Variants in NELL2 observed in about 807,000 individuals in gnomAD.
NELL2 encodes the protein protein kinase C-binding protein NELL2.
In NELL2, 41 loss-of-function variants were observed where a neutral mutation model predicts 109.6. That is an observed-to-expected ratio of 0.37 (90% confidence interval 0.29 to 0.49). The LOEUF is 0.49. NELL2 is among the 20% of genes least tolerant of loss of function. NELL2 has a pLI of 0.98. For synonymous variants in NELL2, 355 were observed against 344.7 expected (o/e 1.03, Z -0.33); for missense variants, 900 against 1,008.3 (o/e 0.89, Z 1.45).
At position 44,523,315 on chromosome 12, in the gene NELL2, G is replaced by C; in HGVS notation, c.1974C>G (p.Asp658Glu). The change falls in exon 17 of 20, where the codon GAC becomes GAG. Residue 658 changes from aspartate to glutamate, a missense_variant. Physicochemically the swap from Asp to Glu is conservative, Grantham distance 45. Coordinates refer to ENST00000429094, the MANE Select transcript of NELL2 (RefSeq NM_001145108.2). ...HNGQIWVLEN[D>E]RCSVCSCQNG... ...CCTGACATGAGCACACAGAGCACCTGTCATTTTCCAACACCCAAATCTGAC... is the reference window on the plus strand; with the variant it reads ...CCTGACATGAGCACACAGAGCACCTCTCATTTTCCAACACCCAAATCTGAC... The C allele has an allele frequency of 6.2e-7, 1 of 1,614,144 alleles. No individual in the cohort carries two copies. Among genetic ancestry groups the C allele is most frequent in the Non-Finnish European group, 8.5e-7 (1 of 1,179,994 alleles).
chr12:44,776,898 C>A, intron 7 of NELL2, 144 bp downstream of exon 7: 1 of 678,366 alleles, frequency 1.5e-6, no homozygotes, highest in Non-Finnish European at 2.5e-6. Flanking sequence ...TAAGCCTTTC[C>A]TTAAGCAGAG....
chr12:44,632,059 T>A (rs1423873227), intron 13 of NELL2, among the ~76,000 whole-genome samples: 2 of 152,074 alleles, frequency 1.3e-5, no homozygotes, highest in Admixed American at 1.3e-4. Context: ...ATTAATAATC[T>A]GAAATAGAAA....
At chr12:44,545,292 A>T (rs1942746358) in intron 15 of NELL2, among the ~76,000 whole-genome samples, 1 of 152,192 alleles carries the variant, frequency 6.6e-6, no homozygotes, top group East Asian at 1.9e-4. Flanking sequence ...AGTTTTATTC[A>T]TGTTAAGTAT....
intron 12 of NELL2, among the ~76,000 whole-genome samples, chr12:44,691,852 GC>G (rs1333371557): frequency 6.6e-5 from 10 of 152,264 alleles, no homozygotes; most frequent in African/African-American, 2.4e-4. Context: ...AGGTGATGAA[GC>G]TGCAGAAGAA....
At chr12:44,569,642 C>A (rs1365558603) in intron 15 of NELL2, among the ~76,000 whole-genome samples, 1 of 152,128 alleles carries the variant, frequency 6.6e-6, no homozygotes, top group Non-Finnish European at 1.5e-5. Flanking sequence ...TTTTATAAAG[C>A]ATGAACACTA....
chr12:44,649,722 G>A (rs142068095), intron 13 of NELL2, among the ~76,000 whole-genome samples: 8 of 152,238 alleles, frequency 5.3e-5, no homozygotes, highest in Middle Eastern at 3.4e-3. Flanking sequence ...AAGACAGCCC[G>A]TTTTTCTTAT....
intron 1 of NELL2, among the ~76,000 whole-genome samples, chr12:44,896,075 G>A (rs879821566): frequency 4.6e-5 from 7 of 152,136 alleles, no homozygotes; most frequent in African/African-American, 1.7e-4. Context: ...GTAGGTCAAA[G>A]TAATTAAAAT....
upstream of NELL2, chr12:44,876,349 C>T (rs1000575173): frequency 1.3e-5 from 16 of 1,203,658 alleles, no homozygotes; most frequent in Non-Finnish European, 1.7e-5. Flanking sequence ...GGAGAGACTG[C>T]TCCTCCGGGG....
At chr12:44,581,261 C>T (rs1944309478) in intron 15 of NELL2, among the ~76,000 whole-genome samples, 1 of 152,038 alleles carries the variant, frequency 6.6e-6, no homozygotes, top group South Asian at 2.1e-4. Context: ...GAAAAGTAGT[C>T]AGAGCTCTAC....
chr12:44,598,735 T>A (rs1319511204), intron 15 of NELL2, among the ~76,000 whole-genome samples: 1 of 152,052 alleles, frequency 6.6e-6, no homozygotes, highest in Non-Finnish European at 1.5e-5. Context: ...ACACCAGATA[T>A]GGATTTATGG....
intron 16 of NELL2, among the ~76,000 whole-genome samples, chr12:44,524,294 G>A (rs1350179172): frequency 6.6e-6 from 1 of 152,154 alleles, no homozygotes; most frequent in East Asian, 1.9e-4. Context: ...AGGTCCATAA[G>A]AGGAGATGGG....
chr12:44,647,715 G>C (rs888053430), intron 13 of NELL2, among the ~76,000 whole-genome samples: 25 of 150,746 alleles, frequency 1.7e-4, no homozygotes, highest in Admixed American at 1.5e-3. Flanking sequence ...TTAAGCAACA[G>C]AAGGTGAATA....
intron 13 of NELL2, among the ~76,000 whole-genome samples, chr12:44,631,222 G>C (rs1038724219): frequency 1.4e-5 from 2 of 147,452 alleles, no homozygotes; most frequent in South Asian, 4.2e-4. Flanking sequence ...ATAATGAAAT[G>C]TATATATATA....
In NELL2 at chr12:44,560,928, T is replaced by G. The variant is rs182729571; in HGVS notation, c.1664-28207A>C. ...CCAGTGAACCCGGATGCAAAAATCCTCAATAAAACACTGGCAAACCAAATC... is the reference window on the plus strand; with the variant it reads ...CCAGTGAACCCGGATGCAAAAATCCGCAATAAAACACTGGCAAACCAAATC... On this transcript the variant is annotated intron_variant, in intron 15 of 19. Coordinates refer to ENST00000429094, the MANE Select transcript of NELL2 (RefSeq NM_001145108.2). Among the ~76,000 whole-genome samples the G allele has an allele frequency of 7.2e-5, 11 of 152,270 alleles. No homozygotes were observed. In the East Asian group the frequency reaches 1.5e-3, roughly 21 times the overall value.
intron 12 of NELL2, among the ~76,000 whole-genome samples, chr12:44,681,845 C>G (rs1948520573): frequency 6.6e-6 from 1 of 151,706 alleles, no homozygotes; most frequent in African/African-American, 2.4e-5. Flanking sequence ...GGTTCCAAGT[C>G]TCTGCTATTG....
At chr12:44,751,644 TGTTTACTTTGGA>T (rs1403139364) in intron 9 of NELL2, among the ~76,000 whole-genome samples, 2 of 152,294 alleles carry the variant, frequency 1.3e-5, no homozygotes, top group East Asian at 3.9e-4. Flanking sequence ...CTCCCTCCTG[TGTTTACTTTGGA>T]GTCTATAATT....
chr12:44,694,520 A>AACACACACAC (rs60024794), intron 12 of NELL2, among the ~76,000 whole-genome samples: 4,079 of 144,328 alleles, frequency 0.028, 79 homozygotes, highest in South Asian at 0.039. Flanking sequence ...CACACATACA[A>AACACACACAC]ACACACACAC....
chr12:44,656,321 GT>G (rs1947499007), intron 13 of NELL2, among the ~76,000 whole-genome samples: 1 of 143,414 alleles, frequency 7.0e-6, no homozygotes, highest in Non-Finnish European at 1.5e-5. Flanking sequence ...GTACATCAAG[GT>G]TTTTAAGCCC....
At chr12:44,747,425 T>G (rs1479433723) in intron 9 of NELL2, among the ~76,000 whole-genome samples, 5 of 151,750 alleles carry the variant, frequency 3.3e-5, no homozygotes, top group Non-Finnish European at 7.4e-5. Context: ...GTTGTGCACA[T>G]GTACCCTAAA....
Sources: gnomAD v4.1 joint callset for allele counts (sites outside exome capture counted in the v4.1 genomes callset) on GRCh38, gnomAD v4.1.1 for gene constraint, MANE v1.5 for transcripts, NCBI Gene and HGNC (gene_info 2026-07-23, HGNC 2026-07-21) for gene names.